The following NABP2 variants were observed in gnomAD, a reference collection of about 807,000 sequenced individuals.
NABP2 encodes the protein nucleic acid binding protein 2.
A neutral mutation model predicts 22.7 loss-of-function variants in NABP2; 7 were observed. The ratio of observed to expected loss-of-function variants is 0.31; its 90% CI spans 0.18 to 0.58. The LOEUF (loss-of-function observed/expected upper bound fraction) is 0.58, where lower values mean the gene tolerates loss of function less well. Ranked by LOEUF, NABP2 falls within the 20% of genes least tolerant of loss-of-function variation. The pLI is 0.89. For synonymous variants in NABP2, 107 were observed against 99.2 expected (o/e 1.08, Z -0.47); for missense variants, 188 against 265.9 (o/e 0.71, Z 2.04).
chr12:56,224,560 C>A (rs1407451335), intron 1 of NABP2, 119 bp downstream of exon 1: 2 of 1,220,980 alleles, frequency 1.6e-6, no homozygotes, highest in Non-Finnish European at 2.1e-6. Flanking sequence ...GGGTTCCCTA[C>A]CCCTGTCTAC....
Position 56,229,087 on chromosome 12 carries a change from T to TACCCCC in NABP2, c.510_511insACCCCC (p.Thr170_Pro171insThrPro). 1 of 1,512,346 alleles carries TACCCCC rather than the reference T, an allele frequency of 6.6e-7. No homozygotes were observed. 93.7% of individuals were successfully genotyped at this position (1,512,346 alleles called of 1,614,324 possible). A position where few individuals can be genotyped will look rare whatever the true frequency, so the allele number is the denominator to read the frequency against. Reference sequence around the variant, plus strand: ...GTGGTGGCCCACATCCCCCTCATACTCCCTCCCACCCACCCAGCACCCGAA... The same window carrying TACCCCC: ...GTGGTGGCCCACATCCCCCTCATACTACCCCCCCCTCCCACCCACCCAGCACCCGAA... On this transcript the variant is annotated inframe_insertion, in exon 7 of 7. Transcript: ENST00000267023.
chr12:56,227,373 CAAAA>C (rs35370619), intron 6 of NABP2, among the ~76,000 whole-genome samples: 2 of 104,190 alleles, frequency 1.9e-5, no homozygotes, highest in African/African-American at 3.2e-5. Flanking sequence ...GACTCTTTCT[CAAAA>C]AAAAAAAAAA....
At position 56,224,445 on chromosome 12, in the gene NABP2, G is replaced by A. The variant is rs1869662097; in HGVS notation, c.-24+4G>A. On this transcript the variant is annotated splice_donor_region_variant and intron_variant, in intron 1 of 6. Transcript: ENST00000267023. ...ACAGTCCTGCCGGCTGGCTTGGGTG[G>A]GTGGTGGGCTGCGGGTAGGGGAGGG... 2 of 1,031,222 alleles carry A rather than the reference G, an allele frequency of 1.9e-6. No individual in the cohort carries two copies. Among genetic ancestry groups the A allele is most frequent in the Non-Finnish European group, 2.3e-6 (2 of 852,826 alleles). The allele number at this position is 1,031,222 out of a possible 1,614,324, so 63.9% of individuals were successfully genotyped here.
In NABP2 at chr12:56,224,837, G is replaced by C. The variant is rs535823479; in HGVS notation, c.-20G>C. 12 of 1,612,994 alleles carry C rather than the reference G, an allele frequency of 7.4e-6. No individual in the cohort carries two copies. In the South Asian group the frequency reaches 1.1e-4, roughly 15 times the overall value. On this transcript the variant is annotated 5_prime_UTR_variant, in exon 2 of 7. Transcript: ENST00000267023. ...TCATCCTCTATTCCCCATCCAGTGG[G>C]GTGCCGAGGCTCAGGCAGCATGACG... is the stretch of plus-strand genomic sequence containing the variant.
intron 6 of NABP2, 94 bp downstream of exon 6, chr12:56,226,513 C>G (rs1869772905): frequency 9.6e-7 from 1 of 1,045,936 alleles, no homozygotes; most frequent in African/African-American, 1.6e-5. Flanking sequence ...TTCCAAATCT[C>G]TCTTTTCTCA....
chr12:56,227,285 C>A (rs4759216), intron 6 of NABP2, among the ~76,000 whole-genome samples: 137,412 of 151,460 alleles, frequency 0.91, 63,770 homozygotes, highest in South Asian at 1. Flanking sequence ...CCGAGGCAGG[C>A]GAATGGCTTG....
In NABP2 at chr12:56,224,367, A is replaced by G; in HGVS notation, c.-98A>G. The G allele has an allele frequency of 5.0e-6, 5 of 990,480 alleles. No individual in the cohort carries two copies. The highest frequency in any genetic ancestry group is 6.0e-6 in the Non-Finnish European group (5 of 832,012). 61.4% of individuals were successfully genotyped at this position (990,480 alleles called of 1,614,324 possible). A position where few individuals can be genotyped will look rare whatever the true frequency, so the allele number is the denominator to read the frequency against. ...GCACTCCCGCGTTCCACGGGGCAGC[A>G]TCCGGCGGCAGCGGAGCCTGTGGCT... On this transcript the variant is annotated 5_prime_UTR_variant, in exon 1 of 7. Coordinates refer to ENST00000267023, the MANE Select transcript of NABP2 (RefSeq NM_024068.4).
At chr12:56,224,963 G>A in intron 2 of NABP2, 28 bp downstream of exon 2, 7 of 1,538,932 alleles carry the variant, frequency 4.5e-6, no homozygotes, top group Non-Finnish European at 6.3e-6. Flanking sequence ...GCGGGTTCGC[G>A]GGATGGGGGT....
rs1306548331 is a variant in NABP2 at position 56,224,869 on chromosome 12, A to T, written c.13A>T (p.Thr5Ser). The T allele has an allele frequency of 6.2e-7, 1 of 1,613,118 alleles. No homozygotes were observed. The highest frequency in any genetic ancestry group is 8.5e-7 in the Non-Finnish European group (1 of 1,179,860). Residue 5 changes from threonine to serine, a missense_variant, in exon 2 of 7, where the codon ACC (threonine) becomes TCC (serine). Transcript: ENST00000267023. Reference sequence around the variant, plus strand: ...AGGCTCAGGCAGCATGACGACGGAGACCTTTGTGAAGGATATCAAGCCTGG... The same window carrying T: ...AGGCTCAGGCAGCATGACGACGGAGTCCTTTGTGAAGGATATCAAGCCTGG... Reference protein sequence around the residue: MTTETFVKDIKPGLK... With the variant: MTTESFVKDIKPGLK...
chr12:56,228,192 C>A (rs1054875831), intron 6 of NABP2, among the ~76,000 whole-genome samples: 1 of 151,732 alleles, frequency 6.6e-6, no homozygotes, highest in Non-Finnish European at 1.5e-5. Flanking sequence ...AACTCCAACT[C>A]AAAAAAATAA....
intron 2 of NABP2, 83 bp downstream of exon 2, chr12:56,225,018 A>G (rs1005827630): frequency 8.3e-6 from 9 of 1,080,664 alleles, no homozygotes; most frequent in African/African-American, 7.7e-5. Context: ...TTAACTTGCT[A>G]TGGGGATGGC....
Position 56,224,896 on chromosome 12 carries a change from C to T in NABP2, c.40C>T (p.Leu14Phe). The change falls in exon 2 of 7, where the codon CTC becomes TTC. Residue 14 changes from leucine to phenylalanine, a missense_variant. Coordinates refer to ENST00000267023, the MANE Select transcript of NABP2 (RefSeq NM_024068.4). ...CTTTGTGAAGGATATCAAGCCTGGG[C>T]TCAAGAATCTGAACCTTATCTTCAT... is the stretch of plus-strand genomic sequence containing the variant. ...ETFVKDIKPG[L>F]KNLNLIFIVL... is the part of the protein sequence containing the mutation. 1 of 1,613,358 alleles carries T rather than the reference C, an allele frequency of 6.2e-7. No individual in the cohort carries two copies. Among genetic ancestry groups the T allele is most frequent in the South Asian group, 1.1e-5 (1 of 91,058 alleles).
chr12:56,228,938 G>A, intron 6 of NABP2, 76 bp from the exon 7 acceptor site: 1 of 1,348,104 alleles, frequency 7.4e-7, no homozygotes, highest in South Asian at 1.3e-5. Context: ...ACTCTTTGGG[G>A]CATGGAGACA....
chr12:56,225,669 T>C lies in NABP2; in HGVS notation c.264T>C (p.Arg88=), dbSNP rs756953690. The part of the protein sequence containing the change: ...FKGCLTLYTG[R]GGDLQKIGEF... ...GTTGTCTGACACTATATACTGGCCG[T>C]GGGGGTGATCTGCAGAAGATTGGAG... Residue 88 remains arginine (R), a synonymous_variant, in exon 4 of 7, where the codon CGT becomes CGC. Coordinates refer to ENST00000267023, the MANE Select transcript of NABP2 (RefSeq NM_024068.4). 2.5e-6 allele frequency: 4 copies of C among 1,613,886 alleles called. No homozygotes were observed. In the African/African-American group the frequency reaches 5.3e-5, roughly 22 times the overall value.
chr12:56,229,515 A>G lies in NABP2; in HGVS notation c.*302A>G. 2.8e-6 allele frequency: 1 copy of G among 356,570 alleles called. No homozygotes were observed. Among genetic ancestry groups the G allele is most frequent in the East Asian group, 6.7e-5 (1 of 14,926 alleles). The allele number at this position is 356,570 out of a possible 1,614,324, so 22.1% of individuals were successfully genotyped here. ...TTTGGGAAGCCGAGGTGGGCGGATC[A>G]CCTGAGGTCGGGAGTTCAAGACCAG... On this transcript the variant is annotated 3_prime_UTR_variant, in exon 7 of 7. Coordinates refer to ENST00000267023, the MANE Select transcript of NABP2 (RefSeq NM_024068.4).
At position 56,229,087 on chromosome 12, in the gene NABP2, T is replaced by TGCCAA; in HGVS notation, c.510_511insGCCAA (p.Pro171AlafsTer64). ...GTGGTGGCCCACATCCCCCTCATAC[T>TGCCAA]CCCTCCCACCCACCCAGCACCCGAA... On this transcript the variant is annotated frameshift_variant, in exon 7 of 7. Transcript: ENST00000267023. LOFTEE classifies it high-confidence loss of function. The TGCCAA allele has an allele frequency of 1.3e-6, 2 of 1,512,346 alleles. No homozygotes were observed. Among genetic ancestry groups the TGCCAA allele is most frequent in the Non-Finnish European group, 1.8e-6 (2 of 1,102,014 alleles). 93.7% of individuals were successfully genotyped at this position (1,512,346 alleles called of 1,614,324 possible).
intron 1 of NABP2, 68 bp downstream of exon 1, chr12:56,224,509 G>T: frequency 1.8e-6 from 2 of 1,091,392 alleles, no homozygotes; most frequent in East Asian, 5.8e-5. Context: ...GAGGGTTCCG[G>T]AAGATCTGGC....
rs1869661040 is a variant in NABP2 at position 56,224,423 on chromosome 12, G to A, written c.-42G>A. 1 of 1,026,198 alleles carries A rather than the reference G, an allele frequency of 9.7e-7. No homozygotes were observed. Among genetic ancestry groups the A allele is most frequent in the Non-Finnish European group, 1.2e-6 (1 of 850,040 alleles). The allele number at this position is 1,026,198 out of a possible 1,614,324, so 63.6% of individuals were successfully genotyped here. ...TGCGGGCTGCTCAGCGGCGTGCACA[G>A]TCCTGCCGGCTGGCTTGGGTGGGTG... On this transcript the variant is annotated 5_prime_UTR_variant, in exon 1 of 7. Transcript: ENST00000267023.
At chr12:56,222,329 G>GT (rs1286401372), upstream of NABP2, 1 of 152,196 alleles carries the variant, frequency 6.6e-6, no homozygotes, top group African/African-American at 2.4e-5. Flanking sequence ...CCAGAGCTTC[G>GT]TAACCCCTTG....
Sources: gnomAD v4.1 joint callset for allele counts (sites outside exome capture counted in the v4.1 genomes callset) on GRCh38, gnomAD v4.1.1 for gene constraint, MANE v1.5 for transcripts, NCBI Gene and HGNC (gene_info 2026-07-23, HGNC 2026-07-21) for gene names.